The following MECOM variants were observed in gnomAD, a reference collection of about 807,000 sequenced individuals.
MECOM encodes MDS1 and EVI1 complex locus.
A neutral mutation model predicts 116.3 loss-of-function variants in MECOM; 13 were observed. That is an observed-to-expected ratio of 0.11 (90% CI 0.07 to 0.18). MECOM has a LOEUF of 0.18. Among genes scored for constraint, MECOM ranks in the 10% least tolerant of loss-of-function variants. MECOM has a pLI of 1.00. For synonymous variants in MECOM, 528 were observed against 535.2 expected, an observed-to-expected ratio of 0.99 and a Z score of 0.19; for missense variants, 1,299 against 1,509.0, an observed-to-expected ratio of 0.86 and a Z score of 2.31.
intron 2 of MECOM, among the ~76,000 whole-genome samples, chr3:169,301,740 AG>A (rs1335353051): frequency 6.6e-6 from 1 of 152,254 alleles, no homozygotes; most frequent in Admixed American, 6.5e-5. Context: ...ATGTTAATCA[AG>A]TAAAGTATAT....
At position 169,127,931 on chromosome 3, in the gene MECOM, T is replaced by G. The variant is rs770939683; in HGVS notation, c.743A>C (p.Gln248Pro). The G allele has an allele frequency of 1.1e-5, 17 of 1,614,028 alleles. No homozygotes were observed. The highest frequency in any genetic ancestry group is 1.4e-5 in the Non-Finnish European group (17 of 1,179,968). The change falls in exon 5 of 17, where the codon CAA (glutamine) becomes CCA (proline). Residue 248 changes from glutamine to proline, a missense_variant. By Grantham distance (76) the Gln-to-Pro change is moderately conservative. Around this residue, in one of 6 missense-constraint regions of MECOM, gnomAD observed 374 missense variants for 433.4 expected, o/e 0.86. Transcript: ENST00000651503. ...AFSMVEEDFQ[Q>P]KLESENDLQE... ...GAGATCATTCTCGCTTTCGAGTTTT[T>G]GCTGAAAGTCCTCTTCAACCATTGA...
intron 2 of MECOM, chr3:169,146,316 C>T: frequency 7.8e-7 from 1 of 1,280,172 alleles, no homozygotes; most frequent in Non-Finnish European, 1.0e-6. Context: ...TGGAACTCGG[C>T]CGAGAGCGGC....
chr3:169,509,058 C>A (rs182803179), intron 1 of MECOM, among the ~76,000 whole-genome samples: 2 of 152,272 alleles, frequency 1.3e-5, no homozygotes, highest in Non-Finnish European at 1.5e-5. Flanking sequence ...CTAAACTCTA[C>A]ACTAAGATAA....
At chr3:169,509,135 G>T (rs1429901114) in intron 1 of MECOM, among the ~76,000 whole-genome samples, 2 of 152,166 alleles carry the variant, frequency 1.3e-5, no homozygotes, top group Non-Finnish European at 1.5e-5. Flanking sequence ...AGTAGAAAAG[G>T]TTCCCTGTCT....
chr3:169,210,468 G>C (rs887923339), intron 2 of MECOM, among the ~76,000 whole-genome samples: 2 of 152,140 alleles, frequency 1.3e-5, no homozygotes, highest in Non-Finnish European at 2.9e-5. Context: ...ATATGCAATA[G>C]AAATTAGTAA....
chr3:169,146,562 T>G, intron 2 of MECOM: 3 of 1,375,762 alleles, frequency 2.2e-6, no homozygotes, highest in Non-Finnish European at 2.9e-6. Context: ...CTTAGCAACG[T>G]AGATAAGCAG....
intron 2 of MECOM, among the ~76,000 whole-genome samples, chr3:169,210,669 A>T (rs570126412): frequency 1.3e-5 from 2 of 152,172 alleles, no homozygotes; most frequent in African/African-American, 2.4e-5. Flanking sequence ...GTAGGCTGAT[A>T]ACTTTTGACA....
In MECOM at chr3:169,116,651, G is replaced by A. The variant is rs1729264959; in HGVS notation, c.1221C>T (p.Cys407=). 1 of 1,614,014 alleles carries A rather than the reference G, an allele frequency of 6.2e-7. No homozygotes were observed. Among genetic ancestry groups the A allele is most frequent in the African/African-American group, 1.3e-5 (1 of 74,914 alleles). Residue 407 remains cysteine (C), a synonymous_variant, in exon 8 of 17, where the codon TGC becomes TGT. Transcript: ENST00000651503. ...MHADCRTQIK[C]KDCGQMFSTT... is the part of the protein sequence containing the mutation. ...TGCTGAACATTTGTCCACAGTCTTT[G>A]CACTTGATTTGGGTTCTGCAATCAG...
At chr3:169,464,413 A>G (rs988788553) in intron 1 of MECOM, among the ~76,000 whole-genome samples, 1 of 152,104 alleles carries the variant, frequency 6.6e-6, no homozygotes, top group African/African-American at 2.4e-5. Flanking sequence ...TCAAAACACT[A>G]TCCAAAAAAT....
At chr3:169,148,437 A>T (rs942621443) in intron 2 of MECOM, among the ~76,000 whole-genome samples, 3 of 152,238 alleles carry the variant, frequency 2.0e-5, no homozygotes, top group Non-Finnish European at 2.9e-5. Flanking sequence ...GGGGATACAT[A>T]GCAAAACAAA....
chr3:169,521,521 A>G (rs116241374), intron 1 of MECOM, among the ~76,000 whole-genome samples: 1 of 152,142 alleles, frequency 6.6e-6, no homozygotes, highest in Non-Finnish European at 1.5e-5. Flanking sequence ...TTAACCCAAA[A>G]TGTTCTCATC....
chr3:169,263,104 TATATATATATATATATA>T (rs1757770913), intron 2 of MECOM, among the ~76,000 whole-genome samples: 2 of 92,932 alleles, frequency 2.2e-5, no homozygotes, highest in African/African-American at 5.6e-5. Context: ...TATATATATA[TATATATATATATATATA>T]TATATATGTT....
chr3:169,171,257 A>G (rs530700184), intron 2 of MECOM, among the ~76,000 whole-genome samples: 1 of 152,174 alleles, frequency 6.6e-6, no homozygotes, highest in Non-Finnish European at 1.5e-5. Flanking sequence ...TACTGAATAT[A>G]TGAGAATGAA....
chr3:169,330,916 G>A (rs1407877092), intron 2 of MECOM, among the ~76,000 whole-genome samples: 1 of 151,996 alleles, frequency 6.6e-6, no homozygotes, highest in East Asian at 1.9e-4. Flanking sequence ...AAATATATAT[G>A]TAAGTTATAG....
intron 1 of MECOM, among the ~76,000 whole-genome samples, chr3:169,408,373 G>A (rs1737030146): frequency 6.6e-6 from 1 of 152,194 alleles, no homozygotes; most frequent in South Asian, 2.1e-4. Context: ...CGACATGCGA[G>A]GTAGGAAACA....
intron 1 of MECOM, among the ~76,000 whole-genome samples, chr3:169,493,315 G>C (rs529695731): frequency 1.3e-5 from 2 of 152,238 alleles, no homozygotes; most frequent in Non-Finnish European, 2.9e-5. Flanking sequence ...GTGCAACACT[G>C]TCATTTTATA....
intron 2 of MECOM, among the ~76,000 whole-genome samples, chr3:169,288,259 T>C (rs1713781918): frequency 6.6e-6 from 1 of 152,054 alleles, no homozygotes; most frequent in East Asian, 1.9e-4. Context: ...TAATTTACTT[T>C]GAACTAAAAA....
At chr3:169,459,320 A>G (rs1578158535) in intron 1 of MECOM, among the ~76,000 whole-genome samples, 2 of 152,240 alleles carry the variant, frequency 1.3e-5, no homozygotes, top group East Asian at 3.8e-4. Context: ...CTATGAAACT[A>G]TAAGCAATAT....
At chr3:169,321,540 CA>C (rs112385413) in intron 2 of MECOM, among the ~76,000 whole-genome samples, 7,562 of 136,602 alleles carry the variant, frequency 0.055, 540 homozygotes, top group African/African-American at 0.16. Context: ...GACTCCGTCT[CA>C]AAAAAAAAAA....
Sources: allele counts gnomAD v4.1 joint callset (sites outside exome capture counted in the v4.1 genomes callset), GRCh38; gene constraint gnomAD v4.1.1; regional missense constraint gnomAD v4.1.1; transcripts MANE v1.5; gene names NCBI Gene and HGNC (gene_info 2026-07-23, HGNC 2026-07-21).